The following TNRC6C variants were observed in gnomAD, a reference collection of about 807,000 sequenced individuals.
TNRC6C encodes trinucleotide repeat containing adaptor 6C, also known as trinucleotide repeat-containing gene 6C protein.
TNRC6C carries 20 observed loss-of-function variants against 153.7 expected under a neutral mutation model. The ratio of observed to expected loss-of-function variants is 0.13; its 90% confidence interval spans 0.09 to 0.19. The LOEUF (loss-of-function observed/expected upper bound fraction) is 0.19, where lower values mean the gene tolerates loss of function less well. Among genes scored for constraint, TNRC6C ranks in the 10% least tolerant of loss-of-function variants. TNRC6C has a pLI of 1.00. For synonymous variants in TNRC6C, 811 were observed against 841.4 expected (o/e 0.96, Z 0.63); for missense variants, 1,987 against 2,172.0 (o/e 0.91, Z 1.69).
At chr17:78,047,584 A>T (rs1009536478) in intron 2 of TNRC6C, among the ~76,000 whole-genome samples, 15 of 152,186 alleles carry the variant, frequency 9.9e-5, no homozygotes, top group African/African-American at 3.1e-4. Context: ...TAGCTCCATC[A>T]AACTTTAAAA....
At chr17:77,990,296 A>T (rs1253933377) in intron 1 of TNRC6C, among the ~76,000 whole-genome samples, 1 of 152,166 alleles carries the variant, frequency 6.6e-6, no homozygotes, top group Non-Finnish European at 1.5e-5. Context: ...TCTATTCCAC[A>T]TAGGAGCCAG....
intron 1 of TNRC6C, among the ~76,000 whole-genome samples, chr17:78,028,109 A>G (rs1386263016): frequency 1.3e-5 from 2 of 152,152 alleles, no homozygotes; most frequent in Admixed American, 1.3e-4. Flanking sequence ...CGTGTTAGTC[A>G]GGATGGTCTC....
At chr17:78,082,960 A>T in intron 10 of TNRC6C, 87 bp from the exon 13 acceptor site, 2 of 1,496,656 alleles carry the variant, frequency 1.3e-6, no homozygotes, top group Admixed American at 4.0e-5. Flanking sequence ...TTATCATTTA[A>T]TCATTTTTGA....
At chr17:78,011,530 T>C (rs1212119757) in intron 1 of TNRC6C, among the ~76,000 whole-genome samples, 1 of 152,280 alleles carries the variant, frequency 6.6e-6, no homozygotes, top group Non-Finnish European at 1.5e-5. Context: ...TTTTTATTGC[T>C]GAGCAGTGTT....
chr17:78,000,624 C>T (rs1352853446), upstream of TNRC6C, among the ~76,000 whole-genome samples: 1 of 60,320 alleles, frequency 1.7e-5, no homozygotes, highest in Non-Finnish European at 3.8e-5. Context: ...CTCCGCCCCC[C>T]CCCCCCCACA....
intron 9 of TNRC6C, among the ~76,000 whole-genome samples, chr17:78,078,798 C>A (rs1014780448): frequency 6.6e-6 from 1 of 151,974 alleles, no homozygotes; most frequent in African/African-American, 2.4e-5. Flanking sequence ...AACCCCGTCT[C>A]TACTAAAAAC....
chr17:78,091,563 T>C (rs757921692), exon 14 of TNRC6C: 1 of 1,594,982 alleles, frequency 6.3e-7, no homozygotes, highest in Admixed American at 1.8e-5. Context: ...ATGGATAACT[T>C]GCCCAGTGCC....
At chr17:78,020,466 T>C (rs2071810974) in intron 1 of TNRC6C, among the ~76,000 whole-genome samples, 1 of 152,258 alleles carries the variant, frequency 6.6e-6, no homozygotes, top group African/African-American at 2.4e-5. Flanking sequence ...TTGTAGTTTC[T>C]CAATCTCTGT....
chr17:78,102,594 C>T lies in TNRC6C; in HGVS notation c.4572+50C>T, dbSNP rs560934889. The T allele has an allele frequency of 1.4e-4, 213 of 1,545,546 alleles. 3 individuals are homozygous for T. The South Asian group carries it at 1.8e-3, about 13-fold the overall frequency. ...CTGAGCATGATCCAGGGAGGGTTCC[C>T]GCTTGGCCCCCAATGCAGATGAGGC... On this transcript the variant is annotated intron_variant, in intron 18 of 19. Coordinates refer to ENST00000301624, the Ensembl canonical transcript of TNRC6C.
chr17:78,103,668 G>C, intron 19 of TNRC6C, 115 bp downstream of exon 22: 1 of 1,431,668 alleles, frequency 7.0e-7, no homozygotes, highest in Non-Finnish European at 9.4e-7. Context: ...CCACAGGCTG[G>C]CCACCCTCCC....
chr17:77,986,032 A>G (rs1391922306), intron 1 of TNRC6C, among the ~76,000 whole-genome samples: 4 of 152,228 alleles, frequency 2.6e-5, no homozygotes, highest in Non-Finnish European at 4.4e-5. Flanking sequence ...CATTCAGGCA[A>G]TCCACAGGAT....
intron 1 of TNRC6C, among the ~76,000 whole-genome samples, chr17:77,976,445 C>T (rs2070998305): frequency 6.6e-6 from 1 of 152,180 alleles, no homozygotes; most frequent in African/African-American, 2.4e-5. Context: ...ATCAGATTGT[C>T]AGTTCAGTTT....
intron 4 of TNRC6C, among the ~76,000 whole-genome samples, chr17:78,065,662 G>A (rs1251964509): frequency 1.3e-5 from 2 of 152,150 alleles, no homozygotes; most frequent in Non-Finnish European, 2.9e-5. Context: ...AACGCATCTT[G>A]CCGTATTGCC....
intron 4 of TNRC6C, 97 bp downstream of exon 6, chr17:78,065,034 A>G (rs1198145178): frequency 1.5e-6 from 2 of 1,345,442 alleles, no homozygotes; most frequent in Non-Finnish European, 2.0e-6. Flanking sequence ...TTTCCTCATT[A>G]TATTTACACT....
At chr17:78,081,337 C>G (rs2073175934) in intron 10 of TNRC6C, among the ~76,000 whole-genome samples, 1 of 151,940 alleles carries the variant, frequency 6.6e-6, no homozygotes, top group Non-Finnish European at 1.5e-5. Context: ...CGAAAAAGAG[C>G]AGGATGCACT....
chr17:78,069,629 A>G (rs2072952091), intron 5 of TNRC6C, among the ~76,000 whole-genome samples: 1 of 152,196 alleles, frequency 6.6e-6, no homozygotes, highest in Admixed American at 6.5e-5. Flanking sequence ...GCATTTTTGT[A>G]GTAAAAAGAT....
intron 1 of TNRC6C, among the ~76,000 whole-genome samples, chr17:77,972,286 G>A (rs1359133726): frequency 6.6e-6 from 1 of 152,192 alleles, no homozygotes; most frequent in Admixed American, 6.5e-5. Context: ...GCCGAGGTGG[G>A]AGGATCACCT....
Position 78,086,933 on chromosome 17 carries a change from GCCACCA to G in TNRC6C, c.3645_3650del (p.Pro1221_Pro1222del), listed in dbSNP as rs747816017. 6 of 1,612,522 alleles carry G rather than the reference GCCACCA, an allele frequency of 3.7e-6. No homozygotes were observed. The African/African-American group carries it at 5.3e-5, about 14-fold the overall frequency. On this transcript the variant is annotated inframe_deletion, in exon 13 of 20. Transcript: ENST00000301624. The stretch of plus-strand genomic sequence containing the variant: ...TGGCCCAGGCCCTGCTCGTGAAGCA[GCCACCA>G]CCGCCACCGCCCCCGCCGCACCTGT...
At chr17:77,987,439 A>ATTAT (rs970568543) in intron 1 of TNRC6C, among the ~76,000 whole-genome samples, 44 of 152,318 alleles carry the variant, frequency 2.9e-4, no homozygotes, top group Middle Eastern at 6.8e-3. Context: ...GAAACCCTTA[A>ATTAT]TTATACCCTT....
Sources: allele counts gnomAD v4.1 joint callset (sites outside exome capture counted in the v4.1 genomes callset), GRCh38; gene constraint gnomAD v4.1.1; transcripts MANE v1.5; gene names NCBI Gene and HGNC (gene_info 2026-07-23, HGNC 2026-07-21).